Variants in NEK11 observed in about 807,000 individuals in gnomAD.
NEK11 encodes the protein serine/threonine-protein kinase Nek11.
Under a neutral mutation model 80.7 loss-of-function variants are expected in NEK11, and 72 were observed. The ratio of observed to expected loss-of-function variants is 0.89; its 90% CI spans 0.74 to 1.08. NEK11 has a LOEUF of 1.08. Among genes scored for constraint, NEK11 ranks in the 50% least tolerant of loss-of-function variants. NEK11 has a pLI of 0.00. For missense variants in NEK11, 764 were observed against 763.6 expected, an observed-to-expected ratio of 1.00 and a Z score of -0.01; for synonymous variants, 251 against 260.7, an observed-to-expected ratio of 0.96 and a Z score of 0.36.
intron 5 of NEK11, among the ~76,000 whole-genome samples, chr3:131,110,835 G>A (rs1037007038): frequency 6.6e-6 from 1 of 152,154 alleles, no homozygotes; most frequent in African/African-American, 2.4e-5. Context: ...AATTCGCCAT[G>A]TATCTTCTAA....
intron 6 of NEK11, among the ~76,000 whole-genome samples, chr3:131,133,581 C>A (rs1399903259): frequency 6.6e-6 from 1 of 152,068 alleles, no homozygotes; most frequent in African/African-American, 2.4e-5. Flanking sequence ...CCCATAATTC[C>A]AGAAATAAAG....
chr3:131,275,905 G>A (rs1477465324), intron 17 of NEK11, among the ~76,000 whole-genome samples: 1 of 152,180 alleles, frequency 6.6e-6, no homozygotes. Context: ...CAACATAGTG[G>A]TTATGTAATA....
At chr3:131,161,147 C>A (rs1312711730) in intron 10 of NEK11, among the ~76,000 whole-genome samples, 1 of 107,786 alleles carries the variant, frequency 9.3e-6, no homozygotes, top group African/African-American at 3.2e-5. Flanking sequence ...AAGACTCCAT[C>A]TCAAAAAAAA....
intron 14 of NEK11, among the ~76,000 whole-genome samples, chr3:131,215,290 G>A (rs906038880): frequency 7.5e-6 from 1 of 134,022 alleles, no homozygotes; most frequent in Admixed American, 7.6e-5. Context: ...GGGGGAGGGG[G>A]AAGGGATAGC....
chr3:131,242,705 A>G (rs1561159844), intron 15 of NEK11, among the ~76,000 whole-genome samples: 2 of 152,162 alleles, frequency 1.3e-5, no homozygotes. Context: ...GGCGTGAGCC[A>G]CTGTGCCCAG....
intron 14 of NEK11, among the ~76,000 whole-genome samples, chr3:131,181,506 G>C (rs1162590850): frequency 6.6e-6 from 1 of 152,090 alleles, no homozygotes; most frequent in Non-Finnish European, 1.5e-5. Context: ...CAGCACTTTG[G>C]GAGGCCAAGG....
At position 131,184,933 on chromosome 3, in the gene NEK11, T is replaced by C. The variant is rs1370765668; in HGVS notation, c.1399+14046T>C. On this transcript the variant is annotated intron_variant, in intron 14 of 17. Transcript: ENST00000383366. ...AGAATAGTATTTAATTTAATAGAAATGGCCAGCCATCCTTTAATAGAAGGG... is the reference window on the plus strand; with the variant it reads ...AGAATAGTATTTAATTTAATAGAAACGGCCAGCCATCCTTTAATAGAAGGG... 2.0e-5 allele frequency among the ~76,000 whole-genome samples: 3 copies of C among 152,296 alleles called. No homozygotes were observed. The East Asian group carries it at 5.8e-4, about 29-fold the overall frequency.
At chr3:131,154,874 A>G (rs1192000928) in intron 9 of NEK11, 162 bp from the exon 10 acceptor site, 2 of 551,188 alleles carry the variant, frequency 3.6e-6, no homozygotes, top group African/African-American at 1.9e-5. Context: ...TGGAAAAGCT[A>G]CATGTAATTT....
intron 14 of NEK11, among the ~76,000 whole-genome samples, chr3:131,223,727 G>C (rs1403520446): frequency 2.0e-5 from 3 of 152,124 alleles, no homozygotes; most frequent in Non-Finnish European, 4.4e-5. Context: ...CCCCCTTGCA[G>C]AGGTTTCTTC....
intron 3 of NEK11, among the ~76,000 whole-genome samples, chr3:131,037,918 G>T (rs1455482672): frequency 6.6e-6 from 1 of 152,070 alleles, no homozygotes; most frequent in Non-Finnish European, 1.5e-5. Flanking sequence ...TCTGTGATGG[G>T]ATAGTGGGTT....
chr3:131,325,200 A>T (rs1301067464), intron 17 of NEK11: 1 of 151,840 alleles, frequency 6.6e-6, no homozygotes, highest in African/African-American at 2.4e-5. Context: ...CAGGAGAATG[A>T]ATACAGAAAT....
At chr3:131,205,285 G>A (rs1397352808) in intron 14 of NEK11, among the ~76,000 whole-genome samples, 1 of 152,162 alleles carries the variant, frequency 6.6e-6, no homozygotes, top group Non-Finnish European at 1.5e-5. Context: ...CAGCCAACAA[G>A]TGTTGGAATG....
At chr3:131,044,082 A>G (rs2066956822) in intron 3 of NEK11, among the ~76,000 whole-genome samples, 1 of 152,000 alleles carries the variant, frequency 6.6e-6, no homozygotes, top group Non-Finnish European at 1.5e-5. Flanking sequence ...TTGCCTTACA[A>G]GAGGTCCTGA....
intron 3 of NEK11, among the ~76,000 whole-genome samples, chr3:131,058,191 A>T (rs1383877804): frequency 6.6e-6 from 1 of 152,158 alleles, no homozygotes; most frequent in East Asian, 1.9e-4. Context: ...CAAAGATCAG[A>T]TAGTTGTAGA....
At chr3:131,284,750 T>A (rs1165169923) in intron 17 of NEK11, among the ~76,000 whole-genome samples, 1 of 152,210 alleles carries the variant, frequency 6.6e-6, no homozygotes, top group Non-Finnish European at 1.5e-5. Context: ...CCATACTGGA[T>A]GCTTCCTGCC....
intron 14 of NEK11, among the ~76,000 whole-genome samples, chr3:131,185,966 G>A (rs2093583602): frequency 6.6e-6 from 1 of 152,118 alleles, no homozygotes; most frequent in Admixed American, 6.6e-5. Flanking sequence ...TTTCTCATCT[G>A]TATAATGGGA....
intron 7 of NEK11, among the ~76,000 whole-genome samples, chr3:131,140,214 AT>A (rs2149681739): frequency 6.6e-6 from 1 of 152,182 alleles, no homozygotes; most frequent in East Asian, 1.9e-4. Flanking sequence ...AGCAATATAG[AT>A]TTTGCTTGGT....
At chr3:131,074,695 A>G (rs1247249161) in intron 3 of NEK11, among the ~76,000 whole-genome samples, 1 of 152,202 alleles carries the variant, frequency 6.6e-6, no homozygotes, top group Non-Finnish European at 1.5e-5. Flanking sequence ...AGCTCCACCC[A>G]GGGAAAAGGC....
chr3:131,235,760 A>G (rs1273454853), intron 15 of NEK11, among the ~76,000 whole-genome samples: 1 of 152,232 alleles, frequency 6.6e-6, no homozygotes, highest in East Asian at 1.9e-4. Context: ...TGAGAAGACT[A>G]TGAAACAGAC....
Sources: gnomAD v4.1 joint callset for allele counts (sites outside exome capture counted in the v4.1 genomes callset) on GRCh38, gnomAD v4.1.1 for gene constraint, MANE v1.5 for transcripts, NCBI Gene and HGNC (gene_info 2026-07-23, HGNC 2026-07-21) for gene names.